Variants in CCSER1 observed in about 807,000 individuals in gnomAD.
The protein encoded by CCSER1 is serine-rich coiled-coil domain-containing protein 1.
CCSER1 carries 41 observed loss-of-function variants against 82.0 expected under a neutral mutation model. The ratio of observed to expected loss-of-function variants is 0.50; its 90% CI spans 0.39 to 0.65. The LOEUF (loss-of-function observed/expected upper bound fraction) is 0.65, where lower values mean the gene tolerates loss of function less well. Among genes scored for constraint, CCSER1 ranks in the 30% least tolerant of loss-of-function variants. CCSER1 has a pLI of 0.00. For synonymous variants in CCSER1, 414 were observed against 383.9 expected (o/e 1.08, Z -0.92); for missense variants, 1,119 against 1,064.2 (o/e 1.05, Z -0.72).
At chr4:90,910,821 G>T (rs1726218714) in intron 8 of CCSER1, among the ~76,000 whole-genome samples, 2 of 152,106 alleles carry the variant, frequency 1.3e-5, no homozygotes, top group Admixed American at 6.5e-5. Flanking sequence ...ACCTCACATT[G>T]CTTTTCCTGA....
chr4:90,355,857 G>T (rs895075171), intron 3 of CCSER1, among the ~76,000 whole-genome samples: 4 of 151,882 alleles, frequency 2.6e-5, no homozygotes, highest in Admixed American at 2.0e-4. Flanking sequence ...CTTTATGGCT[G>T]CCAAAGGGAT....
chr4:90,937,533 G>A (rs1350403633), intron 9 of CCSER1, among the ~76,000 whole-genome samples: 1 of 139,658 alleles, frequency 7.2e-6, no homozygotes, highest in African/African-American at 2.7e-5. Context: ...GCTCAATAAG[G>A]CATATAGGGT....
intron 3 of CCSER1, among the ~76,000 whole-genome samples, chr4:90,330,641 AAAGG>A (rs1382923061): frequency 6.6e-6 from 1 of 152,160 alleles, no homozygotes; most frequent in Non-Finnish European, 1.5e-5. Flanking sequence ...AGAAAAAGAG[AAAGG>A]AACTATTAAT....
At chr4:90,911,475 G>C (rs1007809352) in intron 8 of CCSER1, 3 of 303,792 alleles carry the variant, frequency 9.9e-6, no homozygotes, top group African/African-American at 6.8e-5. Flanking sequence ...TCTTGCTTTT[G>C]TTTTATTTAA....
At chr4:90,609,276 C>CACTTT (rs1311376675) in intron 5 of CCSER1, among the ~76,000 whole-genome samples, 1 of 151,810 alleles carries the variant, frequency 6.6e-6, no homozygotes, top group Non-Finnish European at 1.5e-5. Flanking sequence ...TAAATTGTTT[C>CACTTT]ACTTTTCACT....
At chr4:91,380,961 G>A (rs1359448387) in intron 10 of CCSER1, among the ~76,000 whole-genome samples, 2 of 152,102 alleles carry the variant, frequency 1.3e-5, no homozygotes, top group African/African-American at 4.8e-5. Context: ...AAATCTCTCA[G>A]CATTTGCTTG....
At chr4:90,501,485 C>T (rs936135626) in intron 5 of CCSER1, among the ~76,000 whole-genome samples, 6 of 152,102 alleles carry the variant, frequency 3.9e-5, no homozygotes, top group African/African-American at 7.2e-5. Context: ...CCACTCTTTT[C>T]GTTTTGCTTC....
At chr4:91,042,998 A>G (rs1742107043) in intron 9 of CCSER1, among the ~76,000 whole-genome samples, 1 of 152,206 alleles carries the variant, frequency 6.6e-6, no homozygotes, top group Admixed American at 6.5e-5. Context: ...AATATTATAC[A>G]GAGCTCTCAA....
chr4:91,510,795 A>T (rs1021914147), intron 10 of CCSER1, among the ~76,000 whole-genome samples: 1 of 152,150 alleles, frequency 6.6e-6, no homozygotes, highest in Non-Finnish European at 1.5e-5. Flanking sequence ...ACTTTTTGCT[A>T]TGCAAAAGCT....
intron 4 of CCSER1, among the ~76,000 whole-genome samples, chr4:90,431,811 G>A (rs770543872): frequency 3.3e-5 from 5 of 152,096 alleles, no homozygotes; most frequent in Non-Finnish European, 7.4e-5. Context: ...GGTAGTGAAT[G>A]TTTATGGCTG....
chr4:91,419,214 A>C (rs573849956), intron 10 of CCSER1, among the ~76,000 whole-genome samples: 1 of 152,166 alleles, frequency 6.6e-6, no homozygotes, highest in South Asian at 2.1e-4. Context: ...TCAAGATAAT[A>C]CTAGAAGTCT....
chr4:91,480,360 CA>C (rs1757845011), intron 10 of CCSER1, among the ~76,000 whole-genome samples: 1 of 152,164 alleles, frequency 6.6e-6, no homozygotes, highest in Non-Finnish European at 1.5e-5. Flanking sequence ...GTCCCACCAA[CA>C]GTGTAAAAGT....
At chr4:90,468,067 G>C (rs1177208680) in intron 4 of CCSER1, among the ~76,000 whole-genome samples, 167 bp from the exon 5 acceptor site, 1 of 152,158 alleles carries the variant, frequency 6.6e-6, no homozygotes, top group African/African-American at 2.4e-5. Context: ...CATATAGCTA[G>C]TGAGTGAAAA....
At chr4:90,372,285 C>T (rs1747567238) in intron 3 of CCSER1, among the ~76,000 whole-genome samples, 1 of 152,036 alleles carries the variant, frequency 6.6e-6, no homozygotes, top group African/African-American at 2.4e-5. Flanking sequence ...AAAATGGTAA[C>T]TCACTTTGAA....
At chr4:91,409,234 C>A (rs1752884035) in intron 10 of CCSER1, among the ~76,000 whole-genome samples, 2 of 152,162 alleles carry the variant, frequency 1.3e-5, no homozygotes, top group Non-Finnish European at 2.9e-5. Context: ...TTAAATGGTT[C>A]ATTTTTGATG....
intron 10 of CCSER1, among the ~76,000 whole-genome samples, chr4:91,095,936 C>T (rs1414727423): frequency 1.3e-5 from 2 of 152,114 alleles, no homozygotes; most frequent in Non-Finnish European, 2.9e-5. Flanking sequence ...CCTGGAGTAT[C>T]CTTCACCTTT....
intron 9 of CCSER1, among the ~76,000 whole-genome samples, chr4:90,980,888 T>C (rs960373048): frequency 6.6e-6 from 1 of 151,834 alleles, no homozygotes; most frequent in African/African-American, 2.4e-5. Flanking sequence ...TTCATTATAA[T>C]GAATGTTATC....
intron 8 of CCSER1, among the ~76,000 whole-genome samples, chr4:90,854,275 T>C (rs572090268): frequency 6.6e-6 from 1 of 152,304 alleles, no homozygotes; most frequent in Non-Finnish European, 1.5e-5. Flanking sequence ...CCAGTTTGGC[T>C]GGAATGCAAA....
chr4:90,494,086 G>C (rs773093289), intron 5 of CCSER1, among the ~76,000 whole-genome samples: 27 of 151,758 alleles, frequency 1.8e-4, no homozygotes, highest in Non-Finnish European at 3.5e-4. Context: ...CAAGCAAACG[G>C]AAAACAAAAA....
Sources: gnomAD v4.1 joint callset for allele counts (sites outside exome capture counted in the v4.1 genomes callset) on GRCh38, gnomAD v4.1.1 for gene constraint, MANE v1.5 for transcripts, NCBI Gene and HGNC (gene_info 2026-07-23, HGNC 2026-07-21) for gene names.